The following PAPPA variants were observed in gnomAD, a reference collection of about 807,000 sequenced individuals.
The protein encoded by PAPPA is pappalysin-1.
In PAPPA, 60 loss-of-function variants were observed where a neutral mutation model predicts 164.0. That is an observed-to-expected ratio of 0.37 (90% confidence interval 0.30 to 0.45). The LOEUF is 0.45. Ranked by LOEUF, PAPPA falls within the 20% of genes least tolerant of loss-of-function variation. The pLI is 1.00. For missense variants in PAPPA, 1,782 were observed against 2,087.3 expected, an observed-to-expected ratio of 0.85 and a Z score of 2.85; for synonymous variants, 875 against 814.1, an observed-to-expected ratio of 1.07 and a Z score of -1.27.
intron 2 of PAPPA, among the ~76,000 whole-genome samples, chr9:116,189,398 A>G (rs534834440): frequency 1.2e-3 from 183 of 152,348 alleles, no homozygotes; most frequent in African/African-American, 4.3e-3. Flanking sequence ...TTAAATATAC[A>G]CAATAAAATT....
chr9:116,191,810 A>G (rs1844046141), intron 2 of PAPPA, among the ~76,000 whole-genome samples: 1 of 152,152 alleles, frequency 6.6e-6, no homozygotes, highest in African/African-American at 2.4e-5. Flanking sequence ...AGAATAATTA[A>G]GGAGAATTGA....
chr9:116,163,113 C>G (rs1426779310), intron 1 of PAPPA, among the ~76,000 whole-genome samples: 1 of 152,160 alleles, frequency 6.6e-6, no homozygotes, highest in Non-Finnish European at 1.5e-5. Context: ...TGAGGACAGA[C>G]CAGTCAACAA....
At chr9:116,220,360 T>A (rs1184011085) in intron 5 of PAPPA, among the ~76,000 whole-genome samples, 5 of 152,044 alleles carry the variant, frequency 3.3e-5, no homozygotes. Flanking sequence ...GGTACTTAGA[T>A]TCACTTTGTT....
chr9:116,316,187 T>C (rs1367347176), intron 10 of PAPPA: 1 of 152,228 alleles, frequency 6.6e-6, no homozygotes, highest in Non-Finnish European at 1.5e-5. Flanking sequence ...GTGCAAGAGC[T>C]CTTTGAATCC....
intron 19 of PAPPA, among the ~76,000 whole-genome samples, chr9:116,370,002 T>A (rs1462555997): frequency 1.6e-4 from 24 of 152,158 alleles, no homozygotes; most frequent in Admixed American, 1.6e-3. Flanking sequence ...TTGCCCCTTG[T>A]GCGGTGAGAG....
At chr9:116,358,169 AGCTT>A (rs1250610342) in intron 17 of PAPPA, among the ~76,000 whole-genome samples, 6 of 152,134 alleles carry the variant, frequency 3.9e-5, no homozygotes, top group Admixed American at 2.6e-4. Flanking sequence ...CCCCCACTGT[AGCTT>A]GCTTGTTTTA....
At chr9:116,156,424 C>G (rs1843606294) in intron 1 of PAPPA, among the ~76,000 whole-genome samples, 1 of 150,856 alleles carries the variant, frequency 6.6e-6, no homozygotes, top group Non-Finnish European at 1.5e-5. Context: ...CAAGGAGCCT[C>G]TCTTCACACA....
At chr9:116,209,690 G>A (rs1181959885) in intron 3 of PAPPA, among the ~76,000 whole-genome samples, 1 of 152,174 alleles carries the variant, frequency 6.6e-6, no homozygotes, top group African/African-American at 2.4e-5. Flanking sequence ...ATGAGGTAAA[G>A]CAAACAGGGC....
chr9:116,384,168 G>T (rs1846771301), intron 21 of PAPPA, among the ~76,000 whole-genome samples: 1 of 151,896 alleles, frequency 6.6e-6, no homozygotes, highest in South Asian at 2.1e-4. Flanking sequence ...GCTCACGGTT[G>T]TAACTCCAGC....
Position 116,227,566 on chromosome 9 carries a change from C to A in PAPPA, c.2233+14C>A. Reference sequence around the variant, plus strand: ...GTGAAGCAGAAGGTAAGCCAGCCTTCTGGAAGCTCATTGACAGGAGGAGTG... The same window carrying A: ...GTGAAGCAGAAGGTAAGCCAGCCTTATGGAAGCTCATTGACAGGAGGAGTG... On this transcript the variant is annotated intron_variant, in intron 6 of 21. Transcript: ENST00000328252. 2 of 1,613,570 alleles carry A rather than the reference C, an allele frequency of 1.2e-6. No individual in the cohort carries two copies. Among genetic ancestry groups the A allele is most frequent in the East Asian group, 2.2e-5 (1 of 44,852 alleles).
rs1205172432 is a variant in PAPPA at position 116,401,919 on chromosome 9, A to T, written c.*5303A>T. On this transcript the variant is annotated 3_prime_UTR_variant, in exon 22 of 22. Coordinates refer to ENST00000328252, the MANE Select transcript of PAPPA (RefSeq NM_002581.5). ...ATCTAAACACCAAAAACTAAACACA[A>T]TTCCAATCCTTTTTCTGTACCTCAC... is the stretch of plus-strand genomic sequence containing the variant. 6.6e-6 allele frequency: 1 copy of T among 152,142 alleles called. No homozygotes were observed. Among genetic ancestry groups the T allele is most frequent in the African/African-American group, 2.4e-5 (1 of 41,388 alleles). 9.4% of individuals were successfully genotyped at this position (152,142 alleles called of 1,614,324 possible).
intron 19 of PAPPA, among the ~76,000 whole-genome samples, chr9:116,372,885 T>C (rs1477714839): frequency 1.3e-5 from 2 of 152,204 alleles, no homozygotes; most frequent in African/African-American, 4.8e-5. Flanking sequence ...ACGTTACAGA[T>C]GAAGAAGCTG....
In PAPPA at chr9:116,207,487, A is replaced by T. The variant is rs1391107008; in HGVS notation, c.1510A>T (p.Ile504Phe). The change falls in exon 3 of 22, where the codon ATT (isoleucine) becomes TTT (phenylalanine). Residue 504 changes from isoleucine to phenylalanine, a missense_variant. Coordinates refer to ENST00000328252, the MANE Select transcript of PAPPA (RefSeq NM_002581.5). Reference sequence around the variant, plus strand: ...CTTGGATGTTAATGAGCTGAAGAACATTCTTAAATTGGATGGATCAACACA... The same window carrying T: ...CTTGGATGTTAATGAGCTGAAGAACTTTCTTAAATTGGATGGATCAACACA... ...AYLDVNELKN[I>F]LKLDGSTHLN... The T allele has an allele frequency of 6.2e-7, 1 of 1,612,874 alleles. No individual in the cohort carries two copies. Among genetic ancestry groups the T allele is most frequent in the Admixed American group, 1.7e-5 (1 of 59,908 alleles).
At chr9:116,158,243 T>A (rs1166885213) in intron 1 of PAPPA, among the ~76,000 whole-genome samples, 4 of 152,150 alleles carry the variant, frequency 2.6e-5, no homozygotes, top group Non-Finnish European at 5.9e-5. Flanking sequence ...CACTTCCTAG[T>A]ATCCACCCAA....
At position 116,154,107 on chromosome 9, in the gene PAPPA, C is replaced by T. The variant is rs1021353118; in HGVS notation, c.-66C>T. 11 of 1,252,534 alleles carry T rather than the reference C, an allele frequency of 8.8e-6. No homozygotes were observed. The highest frequency in any genetic ancestry group is 3.2e-5 in the African/African-American group (2 of 61,608). The allele number at this position is 1,252,534 out of a possible 1,614,324, so 77.6% of individuals were successfully genotyped here. A position where few individuals can be genotyped will look rare whatever the true frequency, so the allele number is the denominator to read the frequency against. ...AGCGAAGAAAGTCGAGGCGCCGAGG[C>T]TCCCAAAGCTGGCAGCTCCGGGTGG... On this transcript the variant is annotated 5_prime_UTR_variant, in exon 1 of 22. Coordinates refer to ENST00000328252, the MANE Select transcript of PAPPA (RefSeq NM_002581.5). This position sits in a 1 kb window ranked among gnomAD's most constrained non-coding sequence, Gnocchi z 5.2.
chr9:116,235,497 C>G lies in PAPPA; in HGVS notation c.2592C>G (p.Ile864Met). 1 of 1,613,478 alleles carries G rather than the reference C, an allele frequency of 6.2e-7. No individual in the cohort carries two copies. Residue 864 changes from isoleucine to methionine, a missense_variant, in exon 7 of 22, where the codon ATC (isoleucine) becomes ATG (methionine). By Grantham distance (10) the Ile-to-Met change is conservative. Transcript: ENST00000328252. ...ACACGCTGGATGAGCACCTGGAGAT[C>G]GATGCTGCCATGTTGACCTCCACTG... is the stretch of plus-strand genomic sequence containing the variant. Reference protein sequence around the residue: ...QIYTLDEHLEIDAAMLTSTAD... With the variant: ...QIYTLDEHLEMDAAMLTSTAD...
rs1266081085 is a variant in PAPPA at position 116,271,343 on chromosome 9, C to T, written c.2880C>T (p.Cys960=). ...TCTGCAGAGACCAAGGTGAACAATG[C>T]GACGACATGAATAAGATCAATGGTG... The part of the protein sequence containing the change: ...GIIQKDQGEQ[C]DDMNKINGDG... Residue 960 remains cysteine (C), a synonymous_variant, in exon 9 of 22, where the codon TGC becomes TGT. Transcript: ENST00000328252. This position sits in a 1 kb window ranked among gnomAD's most constrained non-coding sequence, Gnocchi z 4.2. 12 of 1,613,540 alleles carry T rather than the reference C, an allele frequency of 7.4e-6. No homozygotes were observed. The highest frequency in any genetic ancestry group is 1.3e-5 in the African/African-American group (1 of 75,028).
At chr9:116,265,644 C>G (rs553778220) in intron 7 of PAPPA, among the ~76,000 whole-genome samples, 9 of 152,276 alleles carry the variant, frequency 5.9e-5, no homozygotes, top group African/African-American at 2.2e-4. Context: ...TCAATTGATG[C>G]TGGTTATTAC....
chr9:116,210,873 G>A (rs978786659), intron 3 of PAPPA, among the ~76,000 whole-genome samples: 2 of 152,298 alleles, frequency 1.3e-5, no homozygotes, highest in African/African-American at 4.8e-5. Context: ...TGTACTTGAT[G>A]TATGGAGGTG....
Sources: gnomAD v4.1 joint callset for allele counts (sites outside exome capture counted in the v4.1 genomes callset) on GRCh38, gnomAD v4.1.1 for gene constraint, Gnocchi (gnomAD v3.1) non-coding constraint, MANE v1.5 for transcripts, NCBI Gene and HGNC (gene_info 2026-07-23, HGNC 2026-07-21) for gene names.